Variants in SPHKAP observed in about 807,000 individuals in gnomAD.
SPHKAP encodes the protein A-kinase anchor protein SPHKAP.
Under a neutral mutation model 137.5 loss-of-function variants are expected in SPHKAP, and 67 were observed. The ratio of observed to expected loss-of-function variants is 0.49; its 90% confidence interval spans 0.40 to 0.60. The LOEUF (loss-of-function observed/expected upper bound fraction) is 0.60. SPHKAP is among the 20% of genes least tolerant of loss of function. SPHKAP has a pLI of 0.00. For missense variants in SPHKAP, 2,097 were observed against 2,069.3 expected, an observed-to-expected ratio of 1.01 and a Z score of -0.26; for synonymous variants, 813 against 785.3, an observed-to-expected ratio of 1.04 and a Z score of -0.59.
At chr2:228,036,151 T>C (rs565219547) in intron 3 of SPHKAP, among the ~76,000 whole-genome samples, 8 of 149,472 alleles carry the variant, frequency 5.4e-5, no homozygotes, top group African/African-American at 1.7e-4. Flanking sequence ...AGGGCTAATA[T>C]CCAGAATCTA....
chr2:228,180,325 C>G (rs1700866726), intron 1 of SPHKAP, among the ~76,000 whole-genome samples: 1 of 152,176 alleles, frequency 6.6e-6, no homozygotes, highest in South Asian at 2.1e-4. Context: ...TAATTCAGGT[C>G]TCTAGATGGC....
intron 2 of SPHKAP, chr2:228,131,628 TTAGTA>T (rs1699253561): frequency 3.4e-6 from 1 of 298,276 alleles, no homozygotes; most frequent in Admixed American, 6.5e-5. Context: ...AGATACAGAT[TTAGTA>T]ACTTAATATA....
intron 3 of SPHKAP, among the ~76,000 whole-genome samples, chr2:228,106,075 C>T (rs531697279): frequency 1.7e-4 from 26 of 152,216 alleles, no homozygotes; most frequent in Middle Eastern, 3.4e-3. Flanking sequence ...GAAATGAGTG[C>T]GGTTTCCCAC....
rs1693393586 is a variant in SPHKAP at position 227,991,069 on chromosome 2, C to G, written c.4890G>C (p.Trp1630Cys). The change falls in exon 11 of 12, where the codon TGG becomes TGC. Residue 1630 changes from tryptophan (W) to cysteine (C), a missense_variant. Transcript: ENST00000392056. ...PDAELRATLQWIAASELGIPT... is the reference protein window; with the variant it reads ...PDAELRATLQCIAASELGIPT... ...GAATCCCCAGTTCAGAGGCAGCTAT[C>G]CACTGCAGAGTGGCTCGGAGCTCGG... 1 of 1,614,050 alleles carries G rather than the reference C, an allele frequency of 6.2e-7. No individual in the cohort carries two copies. Among genetic ancestry groups the G allele is most frequent in the African/African-American group, 1.3e-5 (1 of 74,932 alleles).
intron 2 of SPHKAP, among the ~76,000 whole-genome samples, chr2:228,125,905 C>T (rs1699062667): frequency 6.6e-6 from 1 of 152,070 alleles, no homozygotes; most frequent in Non-Finnish European, 1.5e-5. Flanking sequence ...GGTGAAACCA[C>T]ATCTCTACTA....
At chr2:228,030,533 C>CAAAAAAAAAAAAAAAAAAAAAAAAAAA (rs1559356982) in intron 3 of SPHKAP, among the ~76,000 whole-genome samples, 1 of 45,640 alleles carries the variant, frequency 2.2e-5, no homozygotes, top group East Asian at 5.8e-4. Flanking sequence ...AAAAAAAAAA[C>CAAAAAAAAAAAAAAAAAAAAAAAAAAA]AACAAAAAAC....
At chr2:228,172,684 C>T (rs1338009810) in intron 1 of SPHKAP, among the ~76,000 whole-genome samples, 1 of 152,138 alleles carries the variant, frequency 6.6e-6, no homozygotes, top group East Asian at 1.9e-4. Context: ...GACCACAAAG[C>T]CTTATTTACA....
chr2:227,998,764 G>A (rs1447445350), intron 7 of SPHKAP, among the ~76,000 whole-genome samples: 1 of 152,126 alleles, frequency 6.6e-6, no homozygotes, highest in African/African-American at 2.4e-5. Context: ...TGCAGGATGT[G>A]CCGAGGCCTC....
chr2:228,143,527 ACT>A (rs1269490990), intron 1 of SPHKAP, among the ~76,000 whole-genome samples: 5 of 151,304 alleles, frequency 3.3e-5, no homozygotes, highest in African/African-American at 1.2e-4. Context: ...TGGGGGTCTC[ACT>A]CTGTCGCCCA....
chr2:228,083,218 T>C (rs73096691), intron 3 of SPHKAP, among the ~76,000 whole-genome samples: 2,668 of 152,356 alleles, frequency 0.018, 82 homozygotes, highest in African/African-American at 0.06. Context: ...TCCTACACAT[T>C]TCTAAGCCTG....
At chr2:227,986,465 C>A (rs1693214192) in intron 11 of SPHKAP, among the ~76,000 whole-genome samples, 1 of 152,030 alleles carries the variant, frequency 6.6e-6, no homozygotes, top group South Asian at 2.1e-4. Flanking sequence ...AAATTGGGTT[C>A]AATGTATACT....
intron 3 of SPHKAP, among the ~76,000 whole-genome samples, chr2:228,096,149 T>C (rs1044779228): frequency 2.0e-5 from 3 of 151,998 alleles, no homozygotes; most frequent in Non-Finnish European, 4.4e-5. Flanking sequence ...CAAAGGAACA[T>C]AGATGTTTGA....
chr2:228,040,565 C>A, intron 3 of SPHKAP, among the ~76,000 whole-genome samples: 1 of 152,080 alleles, frequency 6.6e-6, no homozygotes, highest in East Asian at 1.9e-4. Context: ...TTAAGACTGT[C>A]CAGCTTCTCT....
intron 3 of SPHKAP, among the ~76,000 whole-genome samples, chr2:228,052,925 A>G (rs1696309365): frequency 6.6e-6 from 1 of 152,160 alleles, no homozygotes; most frequent in South Asian, 2.1e-4. Flanking sequence ...TCATATCCTT[A>G]GAAGACTTCT....
At chr2:228,048,894 G>A (rs568466226) in intron 3 of SPHKAP, among the ~76,000 whole-genome samples, 4 of 152,080 alleles carry the variant, frequency 2.6e-5, no homozygotes, top group Admixed American at 6.5e-5. Context: ...GTGTGTAAGC[G>A]CACTCTATGT....
At chr2:228,005,414 C>T (rs1274960757) in intron 7 of SPHKAP, among the ~76,000 whole-genome samples, 2 of 152,190 alleles carry the variant, frequency 1.3e-5, no homozygotes, top group African/African-American at 4.8e-5. Context: ...GTAGATCTTC[C>T]TCCATTCCTT....
intron 2 of SPHKAP, among the ~76,000 whole-genome samples, chr2:228,125,995 G>T (rs1357404565): frequency 6.6e-6 from 1 of 152,060 alleles, no homozygotes; most frequent in Non-Finnish European, 1.5e-5. Context: ...CAGGAGAAAC[G>T]CTTGAACCCA....
chr2:228,163,331 A>C (rs926986024), intron 1 of SPHKAP, among the ~76,000 whole-genome samples: 4 of 152,172 alleles, frequency 2.6e-5, no homozygotes, highest in African/African-American at 9.7e-5. Context: ...AAAACGAGAG[A>C]GAGAGAGAGA....
At chr2:228,102,949 T>G (rs181797027) in intron 3 of SPHKAP, among the ~76,000 whole-genome samples, 1 of 152,254 alleles carries the variant, frequency 6.6e-6, no homozygotes, top group Non-Finnish European at 1.5e-5. Flanking sequence ...TTGTTTCTTT[T>G]GCCCAGGCTG....
Sources: gnomAD v4.1 joint callset for allele counts (sites outside exome capture counted in the v4.1 genomes callset) on GRCh38, gnomAD v4.1.1 for gene constraint, MANE v1.5 for transcripts, NCBI Gene and HGNC (gene_info 2026-07-23, HGNC 2026-07-21) for gene names.